GRM7: variants seen among roughly 807,000 people sequenced by gnomAD.
GRM7 encodes the protein metabotropic glutamate receptor 7.
Under a neutral mutation model 84.5 loss-of-function variants are expected in GRM7, and 35 were observed. The observed-to-expected ratio is 0.41, with a 90% CI of 0.32 to 0.55. The LOEUF (loss-of-function observed/expected upper bound fraction) is 0.55. Ranked by LOEUF, GRM7 falls within the 20% of genes least tolerant of loss-of-function variation. GRM7 has a pLI of 0.19. For synonymous variants in GRM7, 487 were observed against 455.1 expected (o/e 1.07, Z -0.89); for missense variants, 1,003 against 1,194.6 (o/e 0.84, Z 2.36).
intron 9 of GRM7, among the ~76,000 whole-genome samples, chr3:7,730,143 G>A (rs1200639121): frequency 6.7e-6 from 1 of 149,324 alleles, no homozygotes; most frequent in Non-Finnish European, 1.5e-5. Context: ...AAAGTGCTGG[G>A]ATTACAGGCG....
chr3:7,027,076 C>G (rs1017813745), intron 1 of GRM7, among the ~76,000 whole-genome samples: 1 of 152,192 alleles, frequency 6.6e-6, no homozygotes, highest in African/African-American at 2.4e-5. Flanking sequence ...ACCACAAATT[C>G]CACCTCTTAT....
intron 1 of GRM7, among the ~76,000 whole-genome samples, chr3:6,934,208 T>C (rs1697606309): frequency 6.6e-6 from 1 of 152,192 alleles, no homozygotes; most frequent in Admixed American, 6.5e-5. Flanking sequence ...TTCAGTGTGG[T>C]ATTTAGGTAC....
At chr3:7,597,103 G>C (rs1696084889) in intron 8 of GRM7, among the ~76,000 whole-genome samples, 1 of 152,088 alleles carries the variant, frequency 6.6e-6, no homozygotes, top group African/African-American at 2.4e-5. Context: ...ATTGGCTCAT[G>C]GTTCTGTAGG....
intron 1 of GRM7, among the ~76,000 whole-genome samples, chr3:7,093,864 C>T (rs956497740): frequency 3.9e-5 from 6 of 152,174 alleles, no homozygotes; most frequent in Non-Finnish European, 7.4e-5. Flanking sequence ...GGTTTTCTCA[C>T]TTAAAGTAGT....
chr3:7,257,030 G>T (rs1222249844), intron 2 of GRM7, among the ~76,000 whole-genome samples: 7 of 152,176 alleles, frequency 4.6e-5, no homozygotes, highest in Admixed American at 3.3e-4. Context: ...GAAAGTGGGG[G>T]TTATATATGG....
intron 1 of GRM7, among the ~76,000 whole-genome samples, chr3:6,931,985 G>T (rs1243695587): frequency 6.6e-6 from 1 of 152,234 alleles, no homozygotes; most frequent in Non-Finnish European, 1.5e-5. Flanking sequence ...AGGGAATATT[G>T]CTGCGTGGGT....
At chr3:7,351,723 C>CT (rs149886722) in intron 4 of GRM7, among the ~76,000 whole-genome samples, 2 of 151,164 alleles carry the variant, frequency 1.3e-5, no homozygotes, top group Non-Finnish European at 1.5e-5. Flanking sequence ...AGCAGAATAC[C>CT]TTTTTTTTTC....
chr3:7,407,515 G>A (rs1307007789), intron 4 of GRM7, among the ~76,000 whole-genome samples: 1 of 152,146 alleles, frequency 6.6e-6, no homozygotes, highest in Non-Finnish European at 1.5e-5. Flanking sequence ...AAAGGAACCT[G>A]CATTTACTGA....
Position 7,574,252 on chromosome 3 carries a change from C to T in GRM7, c.1516-4170C>T, listed in dbSNP as rs142686234. The stretch of plus-strand genomic sequence containing the variant: ...ATGGCTCACTGCAATCTCCGCCTCC[C>T]GGGTTCAAGCAATTCTCCTGCCTCA... On this transcript the variant is annotated intron_variant, in intron 7 of 9. Coordinates refer to ENST00000357716, the MANE Select transcript of GRM7 (RefSeq NM_000844.4). 5.2e-4 allele frequency among the ~76,000 whole-genome samples: 79 copies of T among 151,508 alleles called. No individual in the cohort carries two copies. In the East Asian group the frequency reaches 0.012, roughly 22 times the overall value.
chr3:7,179,402 CG>C (rs1695264019), intron 2 of GRM7, among the ~76,000 whole-genome samples: 1 of 152,166 alleles, frequency 6.6e-6, no homozygotes, highest in South Asian at 2.1e-4. Flanking sequence ...GAACAACAGC[CG>C]GGATTTCTCT....
intron 1 of GRM7, among the ~76,000 whole-genome samples, chr3:6,891,834 A>G (rs528464362): frequency 1.3e-5 from 2 of 152,156 alleles, no homozygotes; most frequent in Non-Finnish European, 2.9e-5. Context: ...GTGTTTTCCA[A>G]CTTGGTTCTA....
rs528486226 is a variant in GRM7 at position 7,167,645 on chromosome 3, A to G, written c.736+20977A>G. 1.4e-3 allele frequency among the ~76,000 whole-genome samples: 210 copies of G among 152,142 alleles called. 1 individual carries two copies. Among genetic ancestry groups the G allele is most frequent in the Non-Finnish European group, 1.8e-3 (124 of 67,996 alleles). On this transcript the variant is annotated intron_variant, in intron 2 of 9. Transcript: ENST00000357716. ...CAGTCATTAAAATGGCTCAACTCCA[A>G]TGACTCCAAAAGTCAGTTTGTCTCT... is the stretch of plus-strand genomic sequence containing the variant.
At chr3:7,040,291 G>A (rs1696546159) in intron 1 of GRM7, among the ~76,000 whole-genome samples, 1 of 150,808 alleles carries the variant, frequency 6.6e-6, no homozygotes. Flanking sequence ...TTAGACCCTT[G>A]TCTGTCTCTG....
intron 8 of GRM7, among the ~76,000 whole-genome samples, chr3:7,585,041 C>T (rs900821376): frequency 1.3e-5 from 2 of 152,096 alleles, no homozygotes; most frequent in African/African-American, 4.8e-5. Flanking sequence ...AACAAAACTC[C>T]ATATTTTCTC....
chr3:7,125,071 C>A (rs1263799969), intron 1 of GRM7, among the ~76,000 whole-genome samples: 1 of 152,144 alleles, frequency 6.6e-6, no homozygotes, highest in Non-Finnish European at 1.5e-5. Context: ...TCCTGAGTAG[C>A]TGGGACTACA....
At chr3:7,613,832 G>C (rs1696955419) in intron 8 of GRM7, among the ~76,000 whole-genome samples, 1 of 152,080 alleles carries the variant, frequency 6.6e-6, no homozygotes, top group African/African-American at 2.4e-5. Flanking sequence ...GTAAGTTGTG[G>C]TATAGGGAAA....
chr3:7,396,689 A>G (rs182748440), intron 4 of GRM7, among the ~76,000 whole-genome samples: 31 of 152,242 alleles, frequency 2.0e-4, no homozygotes, highest in Non-Finnish European at 3.5e-4. Context: ...GGAGTATAAA[A>G]TGAGCTCAGT....
chr3:7,721,432 G>A (rs185752982), intron 9 of GRM7, among the ~76,000 whole-genome samples: 75 of 152,294 alleles, frequency 4.9e-4, no homozygotes, highest in African/African-American at 1.7e-3. Context: ...ACAGACATAC[G>A]CCAGAGATGT....
intron 4 of GRM7, among the ~76,000 whole-genome samples, chr3:7,360,713 G>A (rs181656094): frequency 1.3e-5 from 2 of 152,116 alleles, no homozygotes; most frequent in African/African-American, 4.8e-5. Context: ...AAGGTTTCCT[G>A]TTGGGACACA....
Sources: allele counts gnomAD v4.1 joint callset (sites outside exome capture counted in the v4.1 genomes callset), GRCh38; gene constraint gnomAD v4.1.1; transcripts MANE v1.5; gene names NCBI Gene and HGNC (gene_info 2026-07-23, HGNC 2026-07-21).